POLR3B: variants seen among roughly 807,000 people sequenced by gnomAD.
POLR3B encodes RNA polymerase III subunit B, also known as DNA-directed RNA polymerase III subunit RPC2.
In POLR3B, 96 loss-of-function variants were observed where a neutral mutation model predicts 147.4. That is an observed-to-expected ratio of 0.65 (90% CI 0.55 to 0.77). The LOEUF is 0.77. Ranked by LOEUF, POLR3B falls within the 30% of genes least tolerant of loss-of-function variation. The pLI, the probability that POLR3B is intolerant of heterozygous loss-of-function variation, is 0.00. For missense variants in POLR3B, 1,036 were observed against 1,413.5 expected, an observed-to-expected ratio of 0.73 and a Z score of 4.28; for synonymous variants, 461 against 485.9, an observed-to-expected ratio of 0.95 and a Z score of 0.67.
chr12:106,466,823 G>C (rs891232801), intron 23 of POLR3B, among the ~76,000 whole-genome samples: 1 of 152,084 alleles, frequency 6.6e-6, no homozygotes, highest in South Asian at 2.1e-4. Context: ...ATCTGTTTTG[G>C]TACCAGTACC....
chr12:106,398,493 C>T (rs1435747174), intron 10 of POLR3B, among the ~76,000 whole-genome samples: 2 of 152,186 alleles, frequency 1.3e-5, no homozygotes. Context: ...TAGTGGTTCT[C>T]CCAGCATGCA....
intron 23 of POLR3B, among the ~76,000 whole-genome samples, chr12:106,487,533 C>A (rs1365813337): frequency 3.3e-5 from 5 of 152,198 alleles, no homozygotes; most frequent in Non-Finnish European, 5.9e-5. Context: ...CATGGCCCTG[C>A]AGATTGTCTG....
intron 15 of POLR3B, among the ~76,000 whole-genome samples, chr12:106,433,448 G>T (rs1007545440): frequency 6.6e-6 from 1 of 152,156 alleles, no homozygotes; most frequent in Non-Finnish European, 1.5e-5. Context: ...AGGTTGTTTG[G>T]ACCCCAAGTT....
chr12:106,398,753 C>A (rs1278981801), intron 10 of POLR3B, among the ~76,000 whole-genome samples: 1 of 152,170 alleles, frequency 6.6e-6, no homozygotes, highest in South Asian at 2.1e-4. Context: ...CAAACTCCAA[C>A]AGACCTGCAG....
intron 23 of POLR3B, among the ~76,000 whole-genome samples, chr12:106,483,259 G>A (rs2038293784): frequency 6.6e-6 from 1 of 152,194 alleles, no homozygotes; most frequent in South Asian, 2.1e-4. Flanking sequence ...GTTAAGACCT[G>A]TGTTATTCAA....
chr12:106,452,667 G>A (rs555127859), intron 19 of POLR3B, among the ~76,000 whole-genome samples: 44 of 152,264 alleles, frequency 2.9e-4, no homozygotes, highest in Non-Finnish European at 4.6e-4. Flanking sequence ...AATCCCAGCA[G>A]TAGTAATCTT....
At chr12:106,374,333 CCA>C (rs1450388080) in intron 6 of POLR3B, among the ~76,000 whole-genome samples, 1 of 152,010 alleles carries the variant, frequency 6.6e-6, no homozygotes, top group Non-Finnish European at 1.5e-5. Flanking sequence ...CCTCCCACCT[CCA>C]GCCTCCCTGG....
intron 16 of POLR3B, 87 bp downstream of exon 16, chr12:106,433,959 CTG>C: frequency 9.5e-7 from 1 of 1,049,420 alleles, no homozygotes; most frequent in South Asian, 1.4e-5. Context: ...ATTTTTGAAA[CTG>C]TTTTAACCTC....
At chr12:106,458,469 A>C (rs938967051) in intron 21 of POLR3B, among the ~76,000 whole-genome samples, 11 of 152,142 alleles carry the variant, frequency 7.2e-5, no homozygotes, top group African/African-American at 2.4e-4. Flanking sequence ...ATGTGTTTTG[A>C]ATGATCATTC....
chr12:106,366,494 C>G, intron 2 of POLR3B, 22 bp from the exon 3 acceptor site: 1 of 1,574,212 alleles, frequency 6.4e-7, no homozygotes, highest in Non-Finnish European at 8.7e-7. Flanking sequence ...AACCTGTTTA[C>G]TTTCTCTTTC....
At chr12:106,436,592 C>T (rs145672946) in intron 16 of POLR3B, among the ~76,000 whole-genome samples, 118 of 152,268 alleles carry the variant, frequency 7.7e-4, no homozygotes, top group African/African-American at 2.7e-3. Context: ...CCGTTATTAC[C>T]CTAGGTGACA....
intron 24 of POLR3B, 156 bp downstream of exon 24, chr12:106,496,314 A>C: frequency 1.4e-6 from 1 of 705,852 alleles, no homozygotes; most frequent in South Asian, 1.5e-5. Context: ...CCAGCCCCTA[A>C]CGATTCTGGG....
At position 106,405,924 on chromosome 12, in the gene POLR3B, A is replaced by G; in HGVS notation, c.914A>G (p.Lys305Arg). Residue 305 changes from lysine to arginine, a missense_variant, in exon 11 of 28, where the codon AAA (lysine) becomes AGA (arginine). Physicochemically the swap from Lys to Arg is conservative, Grantham distance 26 (BLOSUM62 2). Coordinates refer to ENST00000228347, the MANE Select transcript of POLR3B (RefSeq NM_018082.6). ...RMWGGGPKKT[K>R]IEEARELLAS... ...TGGGGAGGTGGACCAAAGAAAACCA[A>G]AATAGAAGAAGCAAGAGAGCTCCTG... The G allele has an allele frequency of 6.2e-7, 1 of 1,613,884 alleles. No homozygotes were observed. Among genetic ancestry groups the G allele is most frequent in the Non-Finnish European group, 8.5e-7 (1 of 1,179,790 alleles).
intron 1 of POLR3B, among the ~76,000 whole-genome samples, chr12:106,360,865 G>A (rs933023731): frequency 6.6e-6 from 1 of 152,188 alleles, no homozygotes; most frequent in Admixed American, 6.5e-5. Context: ...TAAGCAAGTG[G>A]AATAACATGC....
chr12:106,360,016 T>C (rs1336442764), intron 1 of POLR3B, among the ~76,000 whole-genome samples: 1 of 152,206 alleles, frequency 6.6e-6, no homozygotes, highest in African/African-American at 2.4e-5. Context: ...ACAGTTCCTC[T>C]TCCTGCACTC....
At chr12:106,388,588 T>A (rs998356003) in intron 9 of POLR3B, among the ~76,000 whole-genome samples, 3 of 152,222 alleles carry the variant, frequency 2.0e-5, no homozygotes, top group African/African-American at 7.2e-5. Context: ...AGTGCTGGGA[T>A]TACAGGCGTG....
intron 12 of POLR3B, among the ~76,000 whole-genome samples, chr12:106,419,731 CTATTA>C (rs1284758170): frequency 7.4e-6 from 1 of 135,602 alleles, no homozygotes; most frequent in Non-Finnish European, 1.5e-5. Context: ...TGCATAATAT[CTATTA>C]TATTACTGAA....
chr12:106,484,701 A>G (rs927111302), intron 23 of POLR3B, among the ~76,000 whole-genome samples: 3 of 152,072 alleles, frequency 2.0e-5, no homozygotes, highest in African/African-American at 4.8e-5. Context: ...GGGGGTGTGT[A>G]CTTTAGATTA....
intron 11 of POLR3B, among the ~76,000 whole-genome samples, chr12:106,406,446 G>A (rs907349800): frequency 6.6e-6 from 1 of 152,138 alleles, no homozygotes; most frequent in African/African-American, 2.4e-5. Flanking sequence ...AAAGTTTACT[G>A]TTTTAAGTGT....
Sources: gnomAD v4.1 joint callset for allele counts (sites outside exome capture counted in the v4.1 genomes callset) on GRCh38, gnomAD v4.1.1 for gene constraint, MANE v1.5 for transcripts, NCBI Gene and HGNC (gene_info 2026-07-23, HGNC 2026-07-21) for gene names.